The following PARN variants were observed in gnomAD, a reference collection of about 807,000 sequenced individuals.
PARN encodes poly(A)-specific ribonuclease.
Under a neutral mutation model 102.8 loss-of-function variants are expected in PARN, and 71 were observed. The observed-to-expected ratio is 0.69, with a 90% CI of 0.57 to 0.84. PARN has a LOEUF of 0.84. PARN is among the 40% of genes least tolerant of loss of function. The probability of loss-of-function intolerance (pLI) is 0.00; values close to 1 mark genes in which losing one functional copy is unlikely to be tolerated. For synonymous variants in PARN, 261 were observed against 252.9 expected (o/e 1.03, Z -0.30); for missense variants, 782 against 760.9 (o/e 1.03, Z -0.33).
chr16:14,580,800 C>T lies in PARN; in HGVS notation c.1262+74G>A, dbSNP rs887155216. ...AATGTGTTATAGCTCCCAATAACTC[C>T]AAACTGACATCCCAAGATATGAGGC... On this transcript the variant is annotated intron_variant, in intron 18 of 23. Transcript: ENST00000437198. 3.6e-6 allele frequency: 3 copies of T among 836,316 alleles called. No homozygotes were observed. In the African/African-American group the frequency reaches 5.0e-5, roughly 14 times the overall value. The allele number at this position is 836,316 out of a possible 1,614,324, so 51.8% of individuals were successfully genotyped here. A position where few individuals can be genotyped will look rare whatever the true frequency, so the allele number is the denominator to read the frequency against.
intron 21 of PARN, among the ~76,000 whole-genome samples, chr16:14,529,607 G>A (rs1174006518): frequency 6.6e-6 from 1 of 152,034 alleles, no homozygotes; most frequent in Non-Finnish European, 1.5e-5. Context: ...CATCCCCCTG[G>A]CTGTGCAAAA....
intron 21 of PARN, among the ~76,000 whole-genome samples, chr16:14,484,681 G>A (rs573625855): frequency 6.6e-6 from 1 of 152,296 alleles, no homozygotes; most frequent in Non-Finnish European, 1.5e-5. Flanking sequence ...AACTGTATGA[G>A]AGGCAGATGT....
intron 6 of PARN, among the ~76,000 whole-genome samples, chr16:14,612,324 C>A (rs985327627): frequency 6.6e-6 from 1 of 152,014 alleles, no homozygotes; most frequent in African/African-American, 2.4e-5. Flanking sequence ...GTAGTCCCAG[C>A]TACTTGGGAG....
rs181791712 is a variant in PARN at position 14,459,295 on chromosome 16, T to G, written c.1671-12214A>C. ...TATCCAATACTCTACAATAAATTAT[T>G]AGAACTGATAAGTGAGTAAGTAAGG... On this transcript the variant is annotated intron_variant, in intron 22 of 23. Transcript: ENST00000437198. Among the ~76,000 whole-genome samples, 8 of 152,306 alleles carry G rather than the reference T, an allele frequency of 5.3e-5. No homozygotes were observed. In the East Asian group the frequency reaches 1.3e-3, roughly 26 times the overall value.
chr16:14,488,617 T>G (rs908892188), intron 21 of PARN, among the ~76,000 whole-genome samples: 1 of 152,192 alleles, frequency 6.6e-6, no homozygotes, highest in Admixed American at 6.5e-5. Context: ...AGTGGACATA[T>G]GCAGAGATGC....
At chr16:14,565,420 AAAAC>A (rs199936622) in intron 18 of PARN, among the ~76,000 whole-genome samples, 2,669 of 152,188 alleles carry the variant, frequency 0.018, 41 homozygotes, top group Non-Finnish European at 0.027. Context: ...CAAAAAAAAA[AAAAC>A]AAAGGAAGAA....
intron 18 of PARN, chr16:14,558,607 A>G (rs1251713100): frequency 6.6e-6 from 1 of 152,218 alleles, no homozygotes; most frequent in Admixed American, 6.5e-5. Context: ...GCCAATAATC[A>G]AAATCAACCT....
intron 12 of PARN, 103 bp from the exon 13 acceptor site, chr16:14,593,481 C>A: frequency 8.4e-6 from 1 of 118,936 alleles, no homozygotes; most frequent in Non-Finnish European, 1.6e-5. Context: ...ACTAAACTCG[C>A]TTTCCAGACT....
At position 14,630,111 on chromosome 16, in the gene PARN, C is replaced by T. The variant is rs559617389; in HGVS notation, c.15G>A (p.Arg5=). ...AGGTGTACGGCGGACACGCACTGCT[C>T]CTGATTATCTCCATTCTGCAGAGTG... MEII[R]SNFKSNLHKV... The change falls in exon 1 of 24, where the codon AGG becomes AGA. Residue 5 remains arginine, a synonymous_variant. Coordinates refer to ENST00000437198, the MANE Select transcript of PARN (RefSeq NM_002582.4). 20 of 1,562,234 alleles carry T rather than the reference C, an allele frequency of 1.3e-5. No homozygotes were observed. The African/African-American group carries it at 2.3e-4, about 18-fold the overall frequency.
intron 21 of PARN, among the ~76,000 whole-genome samples, chr16:14,500,864 G>A (rs1045554541): frequency 6.6e-6 from 1 of 152,090 alleles, no homozygotes; most frequent in African/African-American, 2.4e-5. Flanking sequence ...TAGGGCAGCA[G>A]TTAGAGGCCT....
At chr16:14,555,741 C>T (rs938482861) in intron 18 of PARN, 32 bp from the exon 19 acceptor site, 3 of 1,185,310 alleles carry the variant, frequency 2.5e-6, no homozygotes, top group African/African-American at 1.6e-5. Context: ...AAGTAATGGG[C>T]AATTTCCTTT....
chr16:14,553,958 A>G (rs1371987182), intron 20 of PARN, 107 bp downstream of exon 20: 1 of 684,566 alleles, frequency 1.5e-6, no homozygotes, highest in African/African-American at 1.8e-5. Context: ...AAAACCTTGA[A>G]TATTAACATT....
chr16:14,467,979 C>T (rs1463376794), intron 22 of PARN, among the ~76,000 whole-genome samples: 1 of 152,106 alleles, frequency 6.6e-6, no homozygotes, highest in African/African-American at 2.4e-5. Flanking sequence ...TTGCTAGGTG[C>T]GGGAACACTA....
At chr16:14,458,548 G>A (rs1469999506) in intron 22 of PARN, among the ~76,000 whole-genome samples, 1 of 152,196 alleles carries the variant, frequency 6.6e-6, no homozygotes, top group Non-Finnish European at 1.5e-5. Context: ...AGCTCACCTT[G>A]CAGGCACTCT....
chr16:14,442,237 T>G (rs1187577378), intron 23 of PARN, among the ~76,000 whole-genome samples: 2 of 152,096 alleles, frequency 1.3e-5, no homozygotes, highest in Non-Finnish European at 2.9e-5. Context: ...GTGGGCAATT[T>G]CTCCAGGTCC....
chr16:14,495,296 A>AG (rs1441884363), intron 21 of PARN, among the ~76,000 whole-genome samples: 1 of 152,056 alleles, frequency 6.6e-6, no homozygotes, highest in African/African-American at 2.4e-5. Context: ...AGGCCAGCCT[A>AG]GGCAACACAT....
At chr16:14,462,959 T>C (rs930929613) in intron 22 of PARN, among the ~76,000 whole-genome samples, 5 of 152,140 alleles carry the variant, frequency 3.3e-5, no homozygotes, top group Admixed American at 6.6e-5. Context: ...AGTTTACTGG[T>C]TAGAGAACCC....
chr16:14,623,298 G>A (rs990444030), intron 5 of PARN, among the ~76,000 whole-genome samples: 19 of 151,806 alleles, frequency 1.3e-4, no homozygotes, highest in African/African-American at 3.4e-4. Flanking sequence ...GGCAGATCAC[G>A]AGGTCAAGAG....
intron 23 of PARN, among the ~76,000 whole-genome samples, chr16:14,443,971 A>G (rs1040950545): frequency 6.6e-6 from 1 of 152,098 alleles, no homozygotes; most frequent in Admixed American, 6.6e-5. Context: ...CCCGAACCAG[A>G]CCTTCGCGGC....
Sources: gnomAD v4.1 joint callset for allele counts (sites outside exome capture counted in the v4.1 genomes callset) on GRCh38, gnomAD v4.1.1 for gene constraint, MANE v1.5 for transcripts, NCBI Gene and HGNC (gene_info 2026-07-23, HGNC 2026-07-21) for gene names.